VWF: variants seen among roughly 807,000 people sequenced by gnomAD.
The protein encoded by VWF is von Willebrand factor.
Under a neutral mutation model 308.6 loss-of-function variants are expected in VWF, and 176 were observed. The observed-to-expected ratio is 0.57, with a 90% confidence interval of 0.50 to 0.65. The LOEUF (loss-of-function observed/expected upper bound fraction) is 0.65, where lower values mean the gene tolerates loss of function less well. Ranked by LOEUF, VWF falls within the 30% of genes least tolerant of loss-of-function variation. VWF has a pLI of 0.00. For synonymous variants in VWF, 1,385 were observed against 1,443.4 expected (o/e 0.96, Z 0.92); for missense variants, 3,146 against 3,648.2 (o/e 0.86, Z 3.55).
chr12:5,969,242 C>T lies in VWF; in HGVS notation c.7698G>A (p.Lys2566=), dbSNP rs16932285. 2,591 of 1,614,080 alleles carry T rather than the reference C, an allele frequency of 1.6e-3. 37 individuals are homozygous for T. In the African/African-American group the frequency reaches 0.029, roughly 18 times the overall value. Residue 2566 remains lysine, a synonymous_variant, in exon 45 of 52, where the codon AAG becomes AAA. Coordinates refer to ENST00000261405, the MANE Select transcript of VWF (RefSeq NM_000552.5). ...VCPSGFQLSC[K]TSACCPSCRC... ...GACAGCTTGGGCAGCACGCTGAGGT[C>T]TTACAGCTCAGCTGAAAGCCCGAGG...
rs1943658339 is a variant in VWF at position 5,984,731 on chromosome 12, T to C, written c.6976+314A>G. Among the ~76,000 whole-genome samples the C allele has an allele frequency of 2.6e-5, 4 of 152,340 alleles. No homozygotes were observed. In the South Asian group the frequency reaches 6.2e-4, roughly 24 times the overall value. ...TCTATATCTAGCAGCCTCAAAATCTTATTGAAAATGAAAATGGGTTGCTTT... is the reference window on the plus strand; with the variant it reads ...TCTATATCTAGCAGCCTCAAAATCTCATTGAAAATGAAAATGGGTTGCTTT... On this transcript the variant is annotated intron_variant, in intron 40 of 51. Transcript: ENST00000261405.
chr12:6,073,204 C>T (rs1344141492), intron 8 of VWF, among the ~76,000 whole-genome samples: 1 of 152,168 alleles, frequency 6.6e-6, no homozygotes, highest in African/African-American at 2.4e-5. Flanking sequence ...TCCCCAAAGC[C>T]CACCAAGCCT....
At chr12:5,986,108 T>C (rs216873) in intron 38 of VWF, among the ~76,000 whole-genome samples, 114,308 of 152,052 alleles carry the variant, frequency 0.75, 43,362 homozygotes, top group Admixed American at 0.81. Flanking sequence ...ACATTCTTGA[T>C]GCCCGCAGTG....
chr12:6,022,280 C>T (rs1390342111), intron 26 of VWF, among the ~76,000 whole-genome samples: 7 of 152,080 alleles, frequency 4.6e-5, no homozygotes, highest in Non-Finnish European at 8.8e-5. Context: ...AGCCTCAGGA[C>T]AAATGAAATC....
chr12:6,032,745 CAT>C (rs1333385852), intron 20 of VWF, among the ~76,000 whole-genome samples: 11 of 152,092 alleles, frequency 7.2e-5, no homozygotes, highest in East Asian at 1.9e-4. Flanking sequence ...CACACACACA[CAT>C]ACACCCAAAT....
At chr12:6,086,142 C>T (rs4491293) in intron 6 of VWF, among the ~76,000 whole-genome samples, 26,027 of 152,090 alleles carry the variant, frequency 0.17, 2,662 homozygotes, top group East Asian at 0.45. Flanking sequence ...AGAGGGAAGA[C>T]TGAGAGGCAG....
chr12:6,034,794 T>C lies in VWF; in HGVS notation c.2579A>G (p.Asp860Gly). The C allele has an allele frequency of 6.2e-7, 1 of 1,614,216 alleles. No individual in the cohort carries two copies. Among genetic ancestry groups the C allele is most frequent in the Non-Finnish European group, 8.5e-7 (1 of 1,180,034 alleles). Residue 860 changes from aspartate (D) to glycine (G), a missense_variant, in exon 20 of 52, where the codon GAC becomes GGC. Physicochemically the swap from Asp to Gly is moderately conservative, Grantham distance 94. Coordinates refer to ENST00000261405, the MANE Select transcript of VWF (RefSeq NM_000552.5). ...GGAGCACGTGGCATCACACACATGG[T>C]CTGTGCAGTTCCACTTCCGGTCCTG... ...VCQDRKWNCT[D>G]HVCDATCSTI... is the part of the protein sequence containing the mutation.
chr12:5,961,286 C>T (rs1291130084), intron 47 of VWF, among the ~76,000 whole-genome samples: 1 of 152,126 alleles, frequency 6.6e-6, no homozygotes, highest in African/African-American at 2.4e-5. Flanking sequence ...CCAAAACAAT[C>T]CCCCTGACCC....
intron 38 of VWF, among the ~76,000 whole-genome samples, chr12:5,990,896 AAAAAAAAAAAAAT>A (rs1430605924): frequency 0.01 from 395 of 39,132 alleles, 33 homozygotes; most frequent in Non-Finnish European, 0.013. Flanking sequence ...AAAAAAAAAA[AAAAAAAAAAAAAT>A]TTTGATGACT....
In VWF at chr12:5,977,211, C is replaced by A. The variant is rs192017339; in HGVS notation, c.7288-951G>T. Among the ~76,000 whole-genome samples, 5 of 152,282 alleles carry A rather than the reference C, an allele frequency of 3.3e-5. No homozygotes were observed. The East Asian group carries it at 9.6e-4, about 29-fold the overall frequency. On this transcript the variant is annotated intron_variant, in intron 42 of 51. Transcript: ENST00000261405. ...AAGTAAATGTGTATTTATAATTTGA[C>A]CCAGAATCTCACTTCCAGGAATCTA...
At chr12:6,027,388 G>C (rs548073369) in intron 22 of VWF, among the ~76,000 whole-genome samples, 10 of 152,266 alleles carry the variant, frequency 6.6e-5, no homozygotes, top group Admixed American at 6.5e-4. Context: ...GGGCTCATCA[G>C]CCCAAACTAT....
At chr12:5,968,336 G>C in intron 45 of VWF, 169 bp from the exon 46 acceptor site, 2 of 688,698 alleles carry the variant, frequency 2.9e-6, no homozygotes, top group Non-Finnish European at 4.8e-6. Context: ...TACTGCTGGA[G>C]CCCACAGCGG....
chr12:6,095,927 C>G, intron 5 of VWF: 1 of 361,216 alleles, frequency 2.8e-6, no homozygotes, highest in Non-Finnish European at 5.4e-6. Context: ...CCCCATCAGC[C>G]TCCCCAGTAG....
intron 47 of VWF, among the ~76,000 whole-genome samples, chr12:5,956,825 C>T (rs1291260716): frequency 1.3e-5 from 2 of 152,080 alleles, no homozygotes; most frequent in Admixed American, 6.6e-5. Context: ...AAAAAAGTTA[C>T]AGTGAGCTAA....
intron 40 of VWF, among the ~76,000 whole-genome samples, chr12:5,984,472 A>G (rs1031843544): frequency 9.9e-5 from 15 of 152,236 alleles, no homozygotes; most frequent in African/African-American, 3.6e-4. Flanking sequence ...CATCACTGCA[A>G]ATTGTACAAG....
chr12:5,988,861 C>G (rs1943708095), intron 38 of VWF, among the ~76,000 whole-genome samples: 1 of 151,848 alleles, frequency 6.6e-6, no homozygotes, highest in African/African-American at 2.4e-5. Flanking sequence ...GTATGAGAGC[C>G]AGCAGGAGTT....
intron 17 of VWF, among the ~76,000 whole-genome samples, chr12:6,045,629 C>T (rs1341310387): frequency 1.3e-5 from 2 of 152,186 alleles, no homozygotes; most frequent in South Asian, 2.1e-4. Context: ...GGCTGAGAGA[C>T]GCTCTCCAGT....
intron 49 of VWF, 63 bp downstream of exon 49, chr12:5,952,328 A>G: frequency 6.2e-7 from 1 of 1,608,938 alleles, no homozygotes; most frequent in Admixed American, 1.7e-5. Context: ...GATGCACACT[A>G]TTCAGAAGAA....
At chr12:6,052,502 C>CTAAAACAGTCCT in intron 16 of VWF, 41 bp downstream of exon 16, 1 of 1,613,972 alleles carries the variant, frequency 6.2e-7, no homozygotes, top group Non-Finnish European at 8.5e-7. Flanking sequence ...CTCCCCAGCT[C>CTAAAACAGTCCT]TGCTGTTTTA....
Sources: allele counts gnomAD v4.1 joint callset (sites outside exome capture counted in the v4.1 genomes callset), GRCh38; gene constraint gnomAD v4.1.1; transcripts MANE v1.5; gene names NCBI Gene and HGNC (gene_info 2026-07-23, HGNC 2026-07-21).